The following PCDHA3 variants were observed in gnomAD, a reference collection of about 807,000 sequenced individuals.
PCDHA3 encodes the protein protocadherin alpha-3.
PCDHA3 carries 41 observed loss-of-function variants against 62.2 expected under a neutral mutation model. The observed-to-expected ratio is 0.66, with a 90% CI of 0.51 to 0.86. The LOEUF (loss-of-function observed/expected upper bound fraction) is 0.86, where lower values mean the gene tolerates loss of function less well. Among genes scored for constraint, PCDHA3 ranks in the 40% least tolerant of loss-of-function variants. The probability of loss-of-function intolerance (pLI) is 0.00; values close to 1 mark genes in which losing one functional copy is unlikely to be tolerated. For missense variants in PCDHA3, 1,304 were observed against 1,241.2 expected, an observed-to-expected ratio of 1.05 and a Z score of -0.76; for synonymous variants, 640 against 555.4, an observed-to-expected ratio of 1.15 and a Z score of -2.14.
At chr5:140,988,294 G>A (rs2097291713) in intron 3 of PCDHA3, among the ~76,000 whole-genome samples, 1 of 152,206 alleles carries the variant, frequency 6.6e-6, no homozygotes, top group South Asian at 2.1e-4. Context: ...TGACAGCCCA[G>A]GAGTGCCAGC....
Position 140,920,248 on chromosome 5 carries a change from C to T in PCDHA3, c.2395-58701C>T, listed in dbSNP as rs77829363. 2.9e-3 allele frequency among the ~76,000 whole-genome samples: 443 copies of T among 152,218 alleles called. 1 individual carries two copies. The highest frequency in any genetic ancestry group is 0.01 in the African/African-American group (423 of 41,510). Reference sequence around the variant, plus strand: ...TAGTATTATATACCCAACAATACATCGCTATAATAATTATTACTTTATGTA... The same window carrying T: ...TAGTATTATATACCCAACAATACATTGCTATAATAATTATTACTTTATGTA... On this transcript the variant is annotated intron_variant, in intron 1 of 3. Coordinates refer to ENST00000522353, the MANE Select transcript of PCDHA3 (RefSeq NM_018906.3).
chr5:140,850,687 A>C lies in PCDHA3; in HGVS notation c.2394+47096A>C, dbSNP rs1159294242. The C allele has an allele frequency of 1.3e-5, 21 of 1,597,676 alleles. 1 individual carries two copies. The highest frequency in any genetic ancestry group is 3.4e-5 in the Admixed American group (2 of 59,228). ...TGCTCGGCGATGCCCACCGAGGGCG[A>C]GTGCGCGCCTGGCAAGCCGACGCTG... On this transcript the variant is annotated intron_variant, in intron 1 of 3. Transcript: ENST00000522353.
chr5:140,982,475 C>T lies in PCDHA3; in HGVS notation c.2454C>T (p.Ser818=). The change falls in exon 3 of 4, where the codon AGC becomes AGT. Residue 818 remains serine, a splice_region_variant and synonymous_variant. Coordinates refer to ENST00000522353, the MANE Select transcript of PCDHA3 (RefSeq NM_018906.3). ...TATCTGGGTCTGTGTGTTTATTCAG[C>T]TCTGTGCACCTAGAGGAGGCTGGCA... The part of the protein sequence containing the change: ...YSASLRAGMH[S]SVHLEEAGIL... 1 of 1,614,154 alleles carries T rather than the reference C, an allele frequency of 6.2e-7. No homozygotes were observed. Among genetic ancestry groups the T allele is most frequent in the African/African-American group, 1.3e-5 (1 of 75,040 alleles).
intron 1 of PCDHA3, chr5:140,807,613 C>A (rs1384362568): frequency 1.2e-6 from 2 of 1,614,064 alleles, no homozygotes; most frequent in Admixed American, 1.7e-5. Flanking sequence ...ACCTGTCCAT[C>A]GCGGAATCCA....
In PCDHA3 at chr5:140,848,922, G is replaced by A. The variant is rs2150424904; in HGVS notation, c.2394+45331G>A. Reference sequence around the variant, plus strand: ...AGCGACACAAAAGAATCTGTTCATCGCGGAATCCAGGCCGCTTGACTCTCG... The same window carrying A: ...AGCGACACAAAAGAATCTGTTCATCACGGAATCCAGGCCGCTTGACTCTCG... On this transcript the variant is annotated intron_variant, in intron 1 of 3. Transcript: ENST00000522353. The A allele has an allele frequency of 1.1e-5, 18 of 1,607,650 alleles. 1 individual carries two copies. The highest frequency in any genetic ancestry group is 2.7e-5 in the African/African-American group (2 of 73,700).
rs1554213921 is a variant in PCDHA3 at position 140,941,202 on chromosome 5, C to CTTTCTTTCTTTCTTTCTTT, written c.2395-37747_2395-37746insTTTCTTTCTTTCTTTCTTT. ...TCCTGCTTCTTTTTTTTTCTTTCTT[C>CTTTCTTTCTTTCTTTCTTT]CTTTCTTTCTTCCTTTCTTTCTTTC... On this transcript the variant is annotated intron_variant, in intron 1 of 3. Coordinates refer to ENST00000522353, the MANE Select transcript of PCDHA3 (RefSeq NM_018906.3). Among the ~76,000 whole-genome samples the CTTTCTTTCTTTCTTTCTTT allele has an allele frequency of 8.2e-4, 101 of 122,784 alleles. 3 individuals carry two copies. Among genetic ancestry groups the CTTTCTTTCTTTCTTTCTTT allele is most frequent in the East Asian group, 3.5e-3 (16 of 4,514 alleles). The allele number at this position is 122,784 out of a possible 152,430, so 80.6% of individuals were successfully genotyped here. A position where few individuals can be genotyped will look rare whatever the true frequency, so the allele number is the denominator to read the frequency against.
At chr5:140,862,451 C>A (rs1554156361) in intron 1 of PCDHA3, 4 of 365,784 alleles carry the variant, frequency 1.1e-5, no homozygotes, top group African/African-American at 2.1e-5. Flanking sequence ...TCCACAGCGC[C>A]CTGGACCAAG....
chr5:140,903,415 A>T (rs1303652958), intron 1 of PCDHA3, among the ~76,000 whole-genome samples: 1 of 152,238 alleles, frequency 6.6e-6, no homozygotes, highest in East Asian at 1.9e-4. Flanking sequence ...GTCAGGAAAA[A>T]TTCAGCACAA....
chr5:140,809,591 T>C, intron 1 of PCDHA3: 1 of 1,536,156 alleles, frequency 6.5e-7, no homozygotes, highest in South Asian at 1.2e-5. Context: ...ATAACATCCT[T>C]TTGTTTAATT....
intron 1 of PCDHA3, among the ~76,000 whole-genome samples, chr5:140,946,707 A>C (rs2094013917): frequency 6.7e-6 from 1 of 150,204 alleles, no homozygotes; most frequent in East Asian, 1.9e-4. Context: ...TCTGGAGGTC[A>C]TTATGTTTAG....
At chr5:140,971,372 A>G (rs1554233263) in intron 1 of PCDHA3, among the ~76,000 whole-genome samples, 1 of 152,214 alleles carries the variant, frequency 6.6e-6, no homozygotes, top group Non-Finnish European at 1.5e-5. Flanking sequence ...AGGAGAGTGC[A>G]TGACTTTAAT....
intron 1 of PCDHA3, chr5:140,842,662 C>G (rs2150341461): frequency 1.3e-6 from 2 of 1,595,426 alleles, no homozygotes; most frequent in East Asian, 2.2e-5. Context: ...AGGTGGCCGA[C>G]GTGAACGACA....
chr5:140,828,486 T>C, intron 1 of PCDHA3: 1 of 1,614,194 alleles, frequency 6.2e-7, no homozygotes, highest in Non-Finnish European at 8.5e-7. Flanking sequence ...AACCCGCCCT[T>C]GTTCCCGGTA....
chr5:140,940,770 T>A (rs560965178), intron 1 of PCDHA3, among the ~76,000 whole-genome samples: 5 of 152,270 alleles, frequency 3.3e-5, no homozygotes, highest in Non-Finnish European at 7.3e-5. Context: ...ATTTGACTTT[T>A]GATGGTCCAT....
At chr5:140,828,529 G>T in intron 1 of PCDHA3, 1 of 1,614,222 alleles carries the variant, frequency 6.2e-7, no homozygotes, top group Non-Finnish European at 8.5e-7. Context: ...ACGAATCTAG[G>T]CTGCCAGATT....
chr5:140,857,724 A>G (rs1277501257), intron 1 of PCDHA3: 1 of 1,597,434 alleles, frequency 6.3e-7, no homozygotes, highest in Admixed American at 1.7e-5. Context: ...GACGAGAACG[A>G]CAACGCTCCC....
intron 1 of PCDHA3, chr5:140,805,360 G>C: frequency 8.5e-7 from 1 of 1,180,458 alleles, no homozygotes; most frequent in Non-Finnish European, 1.0e-6. Flanking sequence ...ATATAGTTTG[G>C]GTCCCCACAT....
chr5:140,996,141 A>G (rs1238682290), intron 3 of PCDHA3, among the ~76,000 whole-genome samples: 1 of 152,182 alleles, frequency 6.6e-6, no homozygotes, highest in Admixed American at 6.5e-5. Context: ...TTCTCCCATT[A>G]TCTTGCCTTC....
intron 1 of PCDHA3, among the ~76,000 whole-genome samples, chr5:140,873,279 A>G (rs1292548146): frequency 6.6e-6 from 1 of 152,200 alleles, no homozygotes; most frequent in African/African-American, 2.4e-5. Flanking sequence ...CCATCATACC[A>G]CTTATGAAAC....
Sources: allele counts gnomAD v4.1 joint callset (sites outside exome capture counted in the v4.1 genomes callset), GRCh38; gene constraint gnomAD v4.1.1; transcripts MANE v1.5; gene names NCBI Gene and HGNC (gene_info 2026-07-23, HGNC 2026-07-21).